The following NECTIN3 variants were observed in gnomAD, a reference collection of about 807,000 sequenced individuals.
NECTIN3 encodes nectin cell adhesion molecule 3, also known as nectin-3.
In NECTIN3, 8 loss-of-function variants were observed where a neutral mutation model predicts 49.4. The observed-to-expected ratio is 0.16, with a 90% CI of 0.10 to 0.29. The LOEUF (loss-of-function observed/expected upper bound fraction) is 0.29, where lower values mean the gene tolerates loss of function less well. Ranked by LOEUF, NECTIN3 falls within the 10% of genes least tolerant of loss-of-function variation. The probability of loss-of-function intolerance (pLI) is 1.00; values close to 1 mark genes in which losing one functional copy is unlikely to be tolerated. For synonymous variants in NECTIN3, 277 were observed against 241.1 expected, an observed-to-expected ratio of 1.15 and a Z score of -1.38; for missense variants, 581 against 654.6, an observed-to-expected ratio of 0.89 and a Z score of 1.23.
chr3:111,116,609 C>T (rs1002906068), intron 2 of NECTIN3, among the ~76,000 whole-genome samples: 5 of 151,884 alleles, frequency 3.3e-5, no homozygotes, highest in Non-Finnish European at 5.9e-5. Flanking sequence ...GTATTTGCAC[C>T]ACGTATAATC....
chr3:111,180,108 C>A (rs555984023), intron 7 of NECTIN3, among the ~76,000 whole-genome samples: 19 of 152,152 alleles, frequency 1.2e-4, no homozygotes, highest in African/African-American at 4.3e-4. Flanking sequence ...TTTTGAGAAA[C>A]CCTGCATTAC....
chr3:111,072,815 T>C, intron 1 of NECTIN3: 1 of 438,406 alleles, frequency 2.3e-6, no homozygotes. Flanking sequence ...CCGTGCTTAT[T>C]TTACCAAACC....
intron 2 of NECTIN3, among the ~76,000 whole-genome samples, chr3:111,115,176 T>G (rs2033640196): frequency 6.6e-6 from 1 of 152,218 alleles, no homozygotes; most frequent in African/African-American, 2.4e-5. Context: ...CACTGCCAAG[T>G]GTCCTCAAGA....
intron 2 of NECTIN3, among the ~76,000 whole-genome samples, chr3:111,117,366 A>G (rs1160728020): frequency 1.3e-5 from 2 of 152,084 alleles, no homozygotes; most frequent in Admixed American, 1.3e-4. Context: ...AGTCAATATA[A>G]TAGTTTCACA....
intron 1 of NECTIN3, among the ~76,000 whole-genome samples, chr3:111,107,089 G>A (rs1248924543): frequency 6.6e-6 from 1 of 152,084 alleles, no homozygotes; most frequent in Non-Finnish European, 1.5e-5. Flanking sequence ...AACACTTTTA[G>A]TGTGTGTGAT....
At chr3:111,108,798 A>T (rs1379310876) in intron 1 of NECTIN3, among the ~76,000 whole-genome samples, 1 of 152,102 alleles carries the variant, frequency 6.6e-6, no homozygotes, top group Non-Finnish European at 1.5e-5. Flanking sequence ...CTCAGAGTGG[A>T]AACTCACTCA....
chr3:111,120,480 T>C (rs2033897241), intron 3 of NECTIN3, among the ~76,000 whole-genome samples: 1 of 152,218 alleles, frequency 6.6e-6, no homozygotes, highest in South Asian at 2.1e-4. Flanking sequence ...ATGCCTAAAC[T>C]CACAGGTATC....
rs2107499717 is a variant in NECTIN3 at position 111,136,660 on chromosome 3, A to C, written c.*2445A>C. 1 of 909,428 alleles carries C rather than the reference A, an allele frequency of 1.1e-6. No homozygotes were observed. The highest frequency in any genetic ancestry group is 5.1e-5 in the South Asian group (1 of 19,660). 56.3% of individuals were successfully genotyped at this position (909,428 alleles called of 1,614,324 possible). A position where few individuals can be genotyped will look rare whatever the true frequency, so the allele number is the denominator to read the frequency against. On this transcript the variant is annotated 3_prime_UTR_variant, in exon 6 of 6. Coordinates refer to ENST00000485303, the MANE Select transcript of NECTIN3 (RefSeq NM_015480.3). ...ATAACTACTTGACAGGTATATATGA[A>C]AATTCTACTATCGTGAAAAAAAATG... is the stretch of plus-strand genomic sequence containing the variant.
At chr3:111,164,501 A>G (rs951813690) in intron 7 of NECTIN3, among the ~76,000 whole-genome samples, 12 of 152,272 alleles carry the variant, frequency 7.9e-5, no homozygotes, top group Non-Finnish European at 1.2e-4. Context: ...TTAACAAAGT[A>G]CCAAAAACTG....
At chr3:111,123,672 C>T (rs1450945827) in intron 4 of NECTIN3, among the ~76,000 whole-genome samples, 4 of 152,100 alleles carry the variant, frequency 2.6e-5, no homozygotes, top group Non-Finnish European at 4.4e-5. Context: ...TGGCCTCCTT[C>T]TAGTTTTCTG....
chr3:111,108,054 A>AC (rs2033263164), intron 1 of NECTIN3, among the ~76,000 whole-genome samples: 1 of 152,098 alleles, frequency 6.6e-6, no homozygotes, highest in African/African-American at 2.4e-5. Flanking sequence ...ACACAGCAAA[A>AC]CTTACTTTTG....
intron 1 of NECTIN3, among the ~76,000 whole-genome samples, chr3:111,086,224 T>C (rs548465435): frequency 1.3e-5 from 2 of 152,298 alleles, no homozygotes; most frequent in South Asian, 2.1e-4. Context: ...ATTGCAAATA[T>C]CTTCTACTCT....
intron 1 of NECTIN3, chr3:111,072,640 A>G: frequency 6.2e-6 from 9 of 1,444,536 alleles, no homozygotes; most frequent in Non-Finnish European, 7.5e-6. Flanking sequence ...ATGGCCTTCC[A>G]CCCTGGAGAA....
intron 1 of NECTIN3, among the ~76,000 whole-genome samples, chr3:111,099,211 A>T (rs955029717): frequency 1.3e-5 from 2 of 152,160 alleles, no homozygotes; most frequent in African/African-American, 4.8e-5. Flanking sequence ...AGAAAATGTT[A>T]CTTTCTAGAT....
intron 7 of NECTIN3, among the ~76,000 whole-genome samples, chr3:111,162,427 G>T (rs1298065101): frequency 6.6e-6 from 1 of 152,034 alleles, no homozygotes; most frequent in East Asian, 1.9e-4. Context: ...GTTATAAGGG[G>T]CTTTTCCCCC....
chr3:111,160,159 C>A (rs1378799737), intron 7 of NECTIN3, among the ~76,000 whole-genome samples: 2 of 152,296 alleles, frequency 1.3e-5, no homozygotes, highest in South Asian at 4.1e-4. Context: ...GAATTTATAA[C>A]CTTCTCTTTT....
chr3:111,134,702 AT>A lies in NECTIN3; in HGVS notation c.*488del. On this transcript the variant is annotated 3_prime_UTR_variant, in exon 6 of 6. Coordinates refer to ENST00000485303, the MANE Select transcript of NECTIN3 (RefSeq NM_015480.3). ...GAAATATTTATATATATTTTTTAAT[AT>A]ACAAAAAATATTTAGCCTGATGGAA... The A allele has an allele frequency of 1.2e-6, 1 of 858,224 alleles. No homozygotes were observed. Among genetic ancestry groups the A allele is most frequent in the Non-Finnish European group, 1.4e-6 (1 of 714,322 alleles). The allele number at this position is 858,224 out of a possible 1,614,324, so 53.2% of individuals were successfully genotyped here.
At chr3:111,112,920 G>C (rs536818994) in intron 2 of NECTIN3, among the ~76,000 whole-genome samples, 1 of 152,178 alleles carries the variant, frequency 6.6e-6, no homozygotes, top group East Asian at 1.9e-4. Flanking sequence ...GAAAAAGCTC[G>C]TTAACTTTAA....
chr3:111,126,815 A>C (rs1296319770), intron 5 of NECTIN3, among the ~76,000 whole-genome samples: 1 of 152,156 alleles, frequency 6.6e-6, no homozygotes, highest in South Asian at 2.1e-4. Context: ...CTGAGAGGTG[A>C]AATAGGAATG....
Sources: gnomAD v4.1 joint callset for allele counts (sites outside exome capture counted in the v4.1 genomes callset) on GRCh38, gnomAD v4.1.1 for gene constraint, MANE v1.5 for transcripts, NCBI Gene and HGNC (gene_info 2026-07-23, HGNC 2026-07-21) for gene names.